PCDHGA12: variants seen among roughly 807,000 people sequenced by gnomAD.
PCDHGA12 encodes protocadherin gamma-A12.
In PCDHGA12, 43 loss-of-function variants were observed where a neutral mutation model predicts 61.1. That is an observed-to-expected ratio of 0.70 (90% CI 0.55 to 0.91). PCDHGA12 has a LOEUF of 0.91. PCDHGA12 is among the 40% of genes least tolerant of loss of function. PCDHGA12 has a pLI of 0.00. For synonymous variants in PCDHGA12, 520 were observed against 542.9 expected, an observed-to-expected ratio of 0.96 and a Z score of 0.59; for missense variants, 1,236 against 1,227.7, an observed-to-expected ratio of 1.01 and a Z score of -0.10.
chr5:141,487,162 G>T lies in PCDHGA12; in HGVS notation c.2425-7645G>T, dbSNP rs2099640627. 6.2e-7 allele frequency: 1 copy of T among 1,613,496 alleles called. No individual in the cohort carries two copies. Among genetic ancestry groups the T allele is most frequent in the African/African-American group, 1.3e-5 (1 of 75,026 alleles). On this transcript the variant is annotated intron_variant, in intron 1 of 3. Transcript: ENST00000252085. This position sits in a 1 kb window ranked among gnomAD's most constrained non-coding sequence, Gnocchi z 5.0. ...TCTCTACCTCTGTTACTCTCTTAGTGTCCTTAGAGGAAGACACTCATCCAG... is the reference window on the plus strand; with the variant it reads ...TCTCTACCTCTGTTACTCTCTTAGTTTCCTTAGAGGAAGACACTCATCCAG...
At chr5:141,434,223 A>G (rs1164673241) in intron 1 of PCDHGA12, among the ~76,000 whole-genome samples, 1 of 152,214 alleles carries the variant, frequency 6.6e-6, no homozygotes, top group Non-Finnish European at 1.5e-5. Context: ...TAAACAAAGT[A>G]CGATTTCTGG....
At chr5:141,468,701 C>A (rs1186497330) in intron 1 of PCDHGA12, 2 of 151,628 alleles carry the variant, frequency 1.3e-5, no homozygotes, top group African/African-American at 2.4e-5. Flanking sequence ...CCCGTCTCTA[C>A]TAAAAATATA....
At chr5:141,483,706 C>T (rs1187078630) in intron 1 of PCDHGA12, among the ~76,000 whole-genome samples, 1 of 151,926 alleles carries the variant, frequency 6.6e-6, no homozygotes, top group African/African-American at 2.4e-5. Context: ...CTTTTTGACA[C>T]CAGAATATTG....
chr5:141,451,116 CCA>C (rs1257364243), intron 1 of PCDHGA12, among the ~76,000 whole-genome samples: 1 of 152,200 alleles, frequency 6.6e-6, no homozygotes, highest in Non-Finnish European at 1.5e-5. Context: ...GCGTGAGCCA[CCA>C]CACCCAGCCT....
intron 1 of PCDHGA12, among the ~76,000 whole-genome samples, chr5:141,433,809 C>A (rs913637407): frequency 5.3e-5 from 8 of 149,948 alleles, no homozygotes; most frequent in Non-Finnish European, 1.2e-4. Flanking sequence ...TGCACTCCAG[C>A]CTGGGCAACA....
intron 1 of PCDHGA12, among the ~76,000 whole-genome samples, chr5:141,438,139 T>C (rs2097931816): frequency 6.6e-6 from 1 of 152,152 alleles, no homozygotes. Context: ...TGGCAAAAGA[T>C]AGCCAGCCTA....
intron 1 of PCDHGA12, among the ~76,000 whole-genome samples, chr5:141,443,486 A>AAAAC (rs1345310906): frequency 6.6e-6 from 1 of 152,166 alleles, no homozygotes; most frequent in Non-Finnish European, 1.5e-5. Flanking sequence ...ACCCTGTCCC[A>AAAAC]AAACAAACAA....
intron 1 of PCDHGA12, among the ~76,000 whole-genome samples, chr5:141,473,185 G>A (rs1171761852): frequency 1.3e-5 from 2 of 152,188 alleles, no homozygotes; most frequent in Non-Finnish European, 2.9e-5. Flanking sequence ...ACTTGAAGGA[G>A]TAAATGTATC....
intron 1 of PCDHGA12, among the ~76,000 whole-genome samples, chr5:141,457,289 G>A (rs907200077): frequency 2.0e-5 from 3 of 152,146 alleles, no homozygotes; most frequent in Non-Finnish European, 4.4e-5. Context: ...GAAGTTCCTT[G>A]GTTTTATTTT....
At chr5:141,492,673 C>T (rs2099743035) in intron 1 of PCDHGA12, among the ~76,000 whole-genome samples, 1 of 152,250 alleles carries the variant, frequency 6.6e-6, no homozygotes, top group Non-Finnish European at 1.5e-5. Flanking sequence ...GGGACTCCGT[C>T]TCAAGGGTCG....
Position 141,489,409 on chromosome 5 carries a change from A to T in PCDHGA12, c.2425-5398A>T. On this transcript the variant is annotated intron_variant, in intron 1 of 3. Transcript: ENST00000252085. The surrounding 1 kb of genome is among the most constrained non-coding windows in gnomAD (Gnocchi z 4.5). ...TGCTCAGGATCTGGGCTTAAAGATG[A>T]CAGATCTGTTGAGCCGGCGGCTGCA... 1.9e-6 allele frequency: 3 copies of T among 1,614,114 alleles called. No homozygotes were observed. The highest frequency in any genetic ancestry group is 2.5e-6 in the Non-Finnish European group (3 of 1,180,004).
At chr5:141,447,719 C>T (rs1333017511) in intron 1 of PCDHGA12, among the ~76,000 whole-genome samples, 2 of 152,226 alleles carry the variant, frequency 1.3e-5, no homozygotes, top group East Asian at 3.9e-4. Context: ...TACACATTTT[C>T]CAAAACTCAT....
rs565813908 is a variant in PCDHGA12 at position 141,503,968 on chromosome 5, G to A, written c.2484-1425G>A. Among the ~76,000 whole-genome samples, 14 of 152,182 alleles carry A rather than the reference G, an allele frequency of 9.2e-5. No homozygotes were observed. The South Asian group carries it at 2.7e-3, about 29-fold the overall frequency. ...GGCCTACCCTACAGCCTTTCCCATG[G>A]TGCCAAACCCTTCTTCTTACCTTAC... On this transcript the variant is annotated intron_variant, in intron 2 of 3. Transcript: ENST00000252085.
At chr5:141,442,473 C>T (rs1435437337) in intron 1 of PCDHGA12, 1 of 152,240 alleles carries the variant, frequency 6.6e-6, no homozygotes, top group Non-Finnish European at 1.5e-5. Flanking sequence ...CAGAAAGCCC[C>T]TTGGGGAAGG....
chr5:141,483,013 A>C (rs2154579792), intron 1 of PCDHGA12, among the ~76,000 whole-genome samples: 1 of 152,106 alleles, frequency 6.6e-6, no homozygotes, highest in Middle Eastern at 3.4e-3. Flanking sequence ...TGAACCCGGG[A>C]GGCAGAGGTT....
In PCDHGA12 at chr5:141,491,928, G is replaced by T; in HGVS notation, c.2425-2879G>T. 1 of 1,301,482 alleles carries T rather than the reference G, an allele frequency of 7.7e-7. No homozygotes were observed. Among genetic ancestry groups the T allele is most frequent in the South Asian group, 1.6e-5 (1 of 63,466 alleles). 80.6% of individuals were successfully genotyped at this position (1,301,482 alleles called of 1,614,324 possible). A position where few individuals can be genotyped will look rare whatever the true frequency, so the allele number is the denominator to read the frequency against. On this transcript the variant is annotated intron_variant, in intron 1 of 3. Coordinates refer to ENST00000252085, the MANE Select transcript of PCDHGA12 (RefSeq NM_003735.3). The surrounding 1 kb of genome is among the most constrained non-coding windows in gnomAD (Gnocchi z 6.9). ...TGGTGGCGACTGTGGGCGAGGGGAG[G>T]TGGGACCGACCCCCACCCCTACACT... is the stretch of plus-strand genomic sequence containing the variant.
intron 1 of PCDHGA12, among the ~76,000 whole-genome samples, chr5:141,484,045 G>A (rs934525987): frequency 7.9e-5 from 12 of 152,026 alleles, no homozygotes; most frequent in African/African-American, 2.9e-4. Context: ...AGCTCCAAGA[G>A]GTCCCCTGGG....
chr5:141,438,627 T>C (rs55817844), intron 1 of PCDHGA12, among the ~76,000 whole-genome samples: 510 of 47,978 alleles, frequency 0.011, 3 homozygotes, highest in Admixed American at 0.017. Context: ...TATATATATA[T>C]ATATATATAC....
chr5:141,460,951 G>GTA (rs200454978), intron 1 of PCDHGA12, among the ~76,000 whole-genome samples: 2,366 of 139,742 alleles, frequency 0.017, 20 homozygotes, highest in Middle Eastern at 0.037. Flanking sequence ...TATGTATTAT[G>GTA]TATATATATA....
Sources: allele counts gnomAD v4.1 joint callset (sites outside exome capture counted in the v4.1 genomes callset), GRCh38; gene constraint gnomAD v4.1.1; non-coding constraint Gnocchi (gnomAD v3.1); transcripts MANE v1.5; gene names NCBI Gene and HGNC (gene_info 2026-07-23, HGNC 2026-07-21).